Variants in ACSM2A observed in about 807,000 individuals in gnomAD.
ACSM2A encodes acyl-CoA synthetase medium chain family member 2A, also known as acyl-coenzyme A synthetase ACSM2A, mitochondrial.
Under a neutral mutation model 76.6 loss-of-function variants are expected in ACSM2A, and 72 were observed. The ratio of observed to expected loss-of-function variants is 0.94; its 90% CI spans 0.78 to 1.14. ACSM2A has a LOEUF of 1.14. ACSM2A is among the 50% of genes most tolerant of loss of function. ACSM2A has a pLI of 0.00. For missense variants in ACSM2A, 684 were observed against 708.5 expected, an observed-to-expected ratio of 0.97 and a Z score of 0.39; for synonymous variants, 249 against 255.9, an observed-to-expected ratio of 0.97 and a Z score of 0.26.
chr16:20,469,532 A>G lies in ACSM2A; in HGVS notation c.409A>G (p.Thr137Ala), dbSNP rs751631831. The G allele has an allele frequency of 6.2e-6, 10 of 1,613,194 alleles. No individual in the cohort carries two copies. The Admixed American group carries it at 1.5e-4, about 24-fold the overall frequency. ...TTTAGGTCTCATCTTTATGCCTGGA[A>G]CCATCCAGATGAAATCCACTGACAT... The part of the protein sequence containing the change: ...IRAGLIFMPG[T>A]IQMKSTDILY... The change falls in exon 4 of 14, where the codon ACC becomes GCC. Residue 137 changes from threonine (T) to alanine (A), a missense_variant. By Grantham distance (58) the Thr-to-Ala change is moderately conservative. Around this residue, in one of 3 missense-constraint regions of ACSM2A, gnomAD observed 519 missense variants for 549.5 expected, o/e 0.94. Coordinates refer to ENST00000573854, the MANE Select transcript of ACSM2A (RefSeq NM_001308172.2).
At chr16:20,455,144 A>C (rs79876150) in intron 1 of ACSM2A, among the ~76,000 whole-genome samples, 1 of 147,026 alleles carries the variant, frequency 6.8e-6, no homozygotes, top group East Asian at 2.2e-4. Flanking sequence ...GAAGTTTGGG[A>C]TTGTGTTAAA....
chr16:20,462,822 A>G (rs979758030), intron 2 of ACSM2A, among the ~76,000 whole-genome samples: 1 of 151,946 alleles, frequency 6.6e-6, no homozygotes, highest in Non-Finnish European at 1.5e-5. Context: ...AACTCTGGGT[A>G]TACACCAAAA....
intron 3 of ACSM2A, among the ~76,000 whole-genome samples, chr16:20,469,205 A>T (rs536880745): frequency 1.3e-5 from 2 of 151,934 alleles, no homozygotes; most frequent in Admixed American, 6.5e-5. Flanking sequence ...CCTGTAGAAA[A>T]TTTTTTTTGA....
Position 20,460,176 on chromosome 16 carries a change from G to A in ACSM2A, c.62G>A (p.Arg21His), listed in dbSNP as rs375002848. 61 of 1,613,038 alleles carry A rather than the reference G, an allele frequency of 3.8e-5. No homozygotes were observed. The highest frequency in any genetic ancestry group is 1.3e-4 in the East Asian group (6 of 44,846). The change falls in exon 2 of 14, where the codon CGC becomes CAC. Residue 21 changes from arginine (R) to histidine (H), a missense_variant. Arg to His is a conservative substitution (Grantham distance 29). Transcript: ENST00000573854. ...CTLWGTQMSS[R>H]TLYINSRQLV... ...CTGTGGGGTACTCAGATGTCCAGCCGCACTCTCTACATTAATAGTAGGCAA... is the reference window on the plus strand; with the variant it reads ...CTGTGGGGTACTCAGATGTCCAGCCACACTCTCTACATTAATAGTAGGCAA...
chr16:20,457,186 G>C lies in ACSM2A; in HGVS notation c.-8-2921G>C, dbSNP rs540039747. ...AAAAATTATCAACAACAACAACAAC[G>C]ACAACAAAAAAGCCATGACCAGATG... is the stretch of plus-strand genomic sequence containing the variant. On this transcript the variant is annotated intron_variant, in intron 1 of 13. Transcript: ENST00000573854. Among the ~76,000 whole-genome samples the C allele has an allele frequency of 2.3e-3, 353 of 151,362 alleles. 3 individuals are homozygous for C. Among genetic ancestry groups the C allele is most frequent in the African/African-American group, 8.2e-3 (341 of 41,356 alleles).
At chr16:20,469,820 C>T (rs2013267896) in intron 4 of ACSM2A, 101 bp downstream of exon 4, 2 of 1,509,362 alleles carry the variant, frequency 1.3e-6, no homozygotes, top group Admixed American at 1.8e-5. Context: ...GAAAGAACAG[C>T]ATGGGACTAG....
intron 1 of ACSM2A, among the ~76,000 whole-genome samples, chr16:20,457,299 C>T (rs555384855): frequency 1.3e-5 from 2 of 152,118 alleles, no homozygotes; most frequent in South Asian, 4.2e-4. Flanking sequence ...AGGGAATCCT[C>T]CCTAAATCAT....
chr16:20,462,944 A>G (rs1160339718), intron 2 of ACSM2A, among the ~76,000 whole-genome samples: 1 of 151,934 alleles, frequency 6.6e-6, no homozygotes, highest in Non-Finnish European at 1.5e-5. Flanking sequence ...CAAATAGACA[A>G]AAAATAAACC....
chr16:20,457,147 TA>T (rs1199920305), intron 1 of ACSM2A, among the ~76,000 whole-genome samples: 1 of 151,740 alleles, frequency 6.6e-6, no homozygotes, highest in East Asian at 1.9e-4. Context: ...GCAGCGAGAT[TA>T]AAATGGTAAT....
chr16:20,486,264 T>C (rs879454856), intron 13 of ACSM2A, among the ~76,000 whole-genome samples: 2 of 152,188 alleles, frequency 1.3e-5, no homozygotes, highest in African/African-American at 4.8e-5. Flanking sequence ...AGCCAGATGA[T>C]TGGTAGAGGA....
chr16:20,459,565 C>A (rs1429616412), intron 1 of ACSM2A, among the ~76,000 whole-genome samples: 1 of 152,156 alleles, frequency 6.6e-6, no homozygotes, highest in Non-Finnish European at 1.5e-5. Flanking sequence ...GAAGGTACAG[C>A]ATGATCTGGG....
intron 12 of ACSM2A, 133 bp from the exon 13 acceptor site, chr16:20,482,925 C>T: frequency 1.4e-6 from 2 of 1,424,732 alleles, no homozygotes; most frequent in Non-Finnish European, 1.9e-6. Context: ...TCTCCTTTTC[C>T]CTTGACCTGG....
intron 1 of ACSM2A, among the ~76,000 whole-genome samples, chr16:20,455,838 A>C (rs566556173): frequency 6.6e-6 from 1 of 151,944 alleles, no homozygotes; most frequent in Non-Finnish European, 1.5e-5. Context: ...TAAGTACTCC[A>C]TTTAAAAGAT....
In ACSM2A at chr16:20,473,802, C is replaced by G. The variant is rs559087354; in HGVS notation, c.895-1560C>G. On this transcript the variant is annotated intron_variant, in intron 6 of 13. Coordinates refer to ENST00000573854, the MANE Select transcript of ACSM2A (RefSeq NM_001308172.2). ...CCTCATTATACCTCTCTGGTATTAACATCAATACAGACTTTAAGTCTGATT... is the reference window on the plus strand; with the variant it reads ...CCTCATTATACCTCTCTGGTATTAAGATCAATACAGACTTTAAGTCTGATT... Among the ~76,000 whole-genome samples, 6 of 152,120 alleles carry G rather than the reference C, an allele frequency of 3.9e-5. No individual in the cohort carries two copies. In the East Asian group the frequency reaches 1.2e-3, roughly 29 times the overall value.
At chr16:20,467,760 A>G (rs958534477) in intron 3 of ACSM2A, among the ~76,000 whole-genome samples, 3 of 152,208 alleles carry the variant, frequency 2.0e-5, no homozygotes. Context: ...TGTGATGTTC[A>G]AGAAGTGATA....
intron 1 of ACSM2A, among the ~76,000 whole-genome samples, chr16:20,458,840 G>T (rs71373192): frequency 0.37 from 50,283 of 134,762 alleles, 10,292 homozygotes; most frequent in East Asian, 0.79. Context: ...ATATAAAAAA[G>T]AATTTTTTAT....
intron 3 of ACSM2A, 45 bp downstream of exon 3, chr16:20,465,772 G>A (rs762872276): frequency 5.6e-6 from 9 of 1,595,836 alleles, no homozygotes; most frequent in African/African-American, 5.4e-5. Flanking sequence ...TCCTTGTGAA[G>A]AAAACTGATA....
Position 20,476,719 on chromosome 16 carries a change from T to G in ACSM2A, c.1099-650T>G, listed in dbSNP as rs924579498. On this transcript the variant is annotated intron_variant, in intron 8 of 13. Coordinates refer to ENST00000573854, the MANE Select transcript of ACSM2A (RefSeq NM_001308172.2). ...GGTGGCGGGAAAAGATGGGTCATTGTGATATCTTTTGTCCAGGCTAGATCT... is the reference window on the plus strand; with the variant it reads ...GGTGGCGGGAAAAGATGGGTCATTGGGATATCTTTTGTCCAGGCTAGATCT... 9 of 1,010,260 alleles carry G rather than the reference T, an allele frequency of 8.9e-6. No individual in the cohort carries two copies. In the African/African-American group the frequency reaches 1.6e-4, roughly 17 times the overall value. The allele number at this position is 1,010,260 out of a possible 1,614,324, so 62.6% of individuals were successfully genotyped here. A position where few individuals can be genotyped will look rare whatever the true frequency, so the allele number is the denominator to read the frequency against.
chr16:20,461,497 C>A (rs2012620540), intron 2 of ACSM2A, among the ~76,000 whole-genome samples: 1 of 152,158 alleles, frequency 6.6e-6, no homozygotes, highest in Admixed American at 6.5e-5. Context: ...TTTCCATTCA[C>A]AAATAACACC....
Sources: allele counts gnomAD v4.1 joint callset (sites outside exome capture counted in the v4.1 genomes callset), GRCh38; gene constraint gnomAD v4.1.1; regional missense constraint gnomAD v4.1.1; transcripts MANE v1.5; gene names NCBI Gene and HGNC (gene_info 2026-07-23, HGNC 2026-07-21).